Variants in RAB40C observed in about 807,000 individuals in gnomAD.
RAB40C encodes ras-related protein Rab-40C.
In RAB40C, 8 loss-of-function variants were observed where a neutral mutation model predicts 28.1. The ratio of observed to expected loss-of-function variants is 0.28; its 90% confidence interval spans 0.17 to 0.51. The LOEUF (loss-of-function observed/expected upper bound fraction) is 0.51, where lower values mean the gene tolerates loss of function less well. Ranked by LOEUF, RAB40C falls within the 20% of genes least tolerant of loss-of-function variation. The probability of loss-of-function intolerance (pLI) is 0.97; values close to 1 mark genes in which losing one functional copy is unlikely to be tolerated. For synonymous variants in RAB40C, 201 were observed against 171.7 expected (o/e 1.17, Z -1.34); for missense variants, 288 against 405.9 (o/e 0.71, Z 2.50).
At chr16:604,693 G>C (rs1038685430) in intron 1 of RAB40C, among the ~76,000 whole-genome samples, 3 of 152,250 alleles carry the variant, frequency 2.0e-5, no homozygotes, top group Non-Finnish European at 4.4e-5. Flanking sequence ...TCATATATGA[G>C]TGTACGTTTT....
chr16:594,704 C>T (rs774189137), intron 1 of RAB40C, among the ~76,000 whole-genome samples: 1 of 152,084 alleles, frequency 6.6e-6, no homozygotes, highest in Non-Finnish European at 1.5e-5. Flanking sequence ...CTTTAGGTGA[C>T]TGGACAGCCG....
At position 610,546 on chromosome 16, in the gene RAB40C, T is replaced by TTACC; in HGVS notation, c.143-6661_143-6660insACCT. On this transcript the variant is annotated intron_variant, in intron 1 of 5. Transcript: ENST00000248139. The surrounding 1 kb of genome is among the most constrained non-coding windows in gnomAD (Gnocchi z 4.6). ...GCTTAGCTTATTTTTGAAAAGACAT[T>TTACC]TCAACAGGAGGTAAAAATGAACAGC... 6.6e-6 allele frequency among the ~76,000 whole-genome samples: 1 copy of TTACC among 152,124 alleles called. No homozygotes were observed. Among genetic ancestry groups the TTACC allele is most frequent in the Non-Finnish European group, 1.5e-5 (1 of 68,020 alleles).
At chr16:604,271 C>A (rs941420909) in intron 1 of RAB40C, among the ~76,000 whole-genome samples, 2 of 152,004 alleles carry the variant, frequency 1.3e-5, no homozygotes, top group Admixed American at 6.6e-5. Context: ...TTGTAAAATA[C>A]AGAAAACACG....
intron 3 of RAB40C, chr16:624,654 T>C (rs1424578449): frequency 1.8e-5 from 18 of 985,374 alleles, no homozygotes; most frequent in Non-Finnish European, 1.2e-6. Flanking sequence ...GAAGGTTTTG[T>C]CAGCCTAGGA....
chr16:625,071 T>G (rs2036798745), intron 3 of RAB40C: 1 of 1,290,340 alleles, frequency 7.7e-7, no homozygotes, highest in Admixed American at 2.4e-5. Flanking sequence ...GATTCACTGA[T>G]GGACTGGCCG....
intron 1 of RAB40C, among the ~76,000 whole-genome samples, chr16:611,471 C>T (rs545564943): frequency 1.2e-4 from 19 of 152,356 alleles, no homozygotes; most frequent in African/African-American, 4.3e-4. Context: ...CCAAAATGAC[C>T]AAGGCCCCTC....
intron 1 of RAB40C, among the ~76,000 whole-genome samples, chr16:598,960 G>A (rs1278772097): frequency 6.6e-6 from 1 of 152,202 alleles, no homozygotes; most frequent in African/African-American, 2.4e-5. Context: ...GCCCGGGGCC[G>A]GCGGCTGCTG....
chr16:601,644 T>C (rs1346087061), intron 1 of RAB40C, among the ~76,000 whole-genome samples: 1 of 151,632 alleles, frequency 6.6e-6, no homozygotes, highest in Non-Finnish European at 1.5e-5. Flanking sequence ...TAAAATTACA[T>C]GAGAGGGAAT....
chr16:620,895 G>C (rs139415632), intron 3 of RAB40C, among the ~76,000 whole-genome samples: 29 of 152,260 alleles, frequency 1.9e-4, no homozygotes, highest in African/African-American at 5.8e-4. Flanking sequence ...GGGACACGAG[G>C]CCAGTACAGT....
At chr16:608,834 C>CAATT (rs1395007266) in intron 1 of RAB40C, among the ~76,000 whole-genome samples, 1 of 152,114 alleles carries the variant, frequency 6.6e-6, no homozygotes, top group African/African-American at 2.4e-5. Context: ...GATTGTGCTA[C>CAATT]AATTGTGTGG....
chr16:607,523 GC>G (rs2036386267), intron 1 of RAB40C, among the ~76,000 whole-genome samples: 3 of 151,026 alleles, frequency 2.0e-5, no homozygotes, highest in Middle Eastern at 3.5e-3. Flanking sequence ...AAAACGGGGG[GC>G]CGGGCGCGGT....
At chr16:613,903 G>A (rs1371329510) in intron 1 of RAB40C, among the ~76,000 whole-genome samples, 1 of 152,170 alleles carries the variant, frequency 6.6e-6, no homozygotes, top group East Asian at 1.9e-4. Context: ...CTGGCTTGCT[G>A]TGAAGGGCAC....
At chr16:604,002 TC>T (rs1478332530) in intron 1 of RAB40C, among the ~76,000 whole-genome samples, 1 of 152,322 alleles carries the variant, frequency 6.6e-6, no homozygotes, top group African/African-American at 2.4e-5. Context: ...TTGGGTTATT[TC>T]CTGGTTTGGG....
rs2036900357 is a variant in RAB40C, at chr16:628,956, G to C, written c.*1334G>C. 6.5e-6 allele frequency: 1 copy of C among 153,580 alleles called. No individual in the cohort carries two copies. The highest frequency in any genetic ancestry group is 1.5e-5 in the Non-Finnish European group (1 of 68,888). The allele number at this position is 153,580 out of a possible 1,614,324, so 9.5% of individuals were successfully genotyped here. ...TGGGCACCAGTGGACTCGCCCCATGGCCCGTTCCTGGGAGATGAGGGCCGT... is the reference window on the plus strand; with the variant it reads ...TGGGCACCAGTGGACTCGCCCCATGCCCCGTTCCTGGGAGATGAGGGCCGT... On this transcript the variant is annotated 3_prime_UTR_variant, in exon 6 of 6. Coordinates refer to ENST00000248139, the MANE Select transcript of RAB40C (RefSeq NM_021168.5).
At chr16:593,964 A>G (rs530905279) in intron 1 of RAB40C, among the ~76,000 whole-genome samples, 10 of 152,218 alleles carry the variant, frequency 6.6e-5, no homozygotes, top group African/African-American at 2.4e-4. Flanking sequence ...GGGAGGAGAA[A>G]GCTGCAGTTC....
At chr16:623,372 G>A (rs559975745) in intron 3 of RAB40C, among the ~76,000 whole-genome samples, 15 of 152,276 alleles carry the variant, frequency 9.9e-5, no homozygotes, top group African/African-American at 3.1e-4. Flanking sequence ...ATGCTGGGCC[G>A]GGCGCGGTGG....
rs576040048 is a variant in RAB40C, at chr16:624,180, G to A, written c.265-1252G>A. The A allele has an allele frequency of 2.1e-5, 21 of 985,442 alleles. No homozygotes were observed. The South Asian group carries it at 7.0e-4, about 33-fold the overall frequency. The allele number at this position is 985,442 out of a possible 1,614,324, so 61.0% of individuals were successfully genotyped here. ...ATCCTCAGTTACTTCTGAGTTGTGGGCTTGCCATGCGGGAGGTTGCCATGC... is the reference window on the plus strand; with the variant it reads ...ATCCTCAGTTACTTCTGAGTTGTGGACTTGCCATGCGGGAGGTTGCCATGC... On this transcript the variant is annotated intron_variant, in intron 3 of 5. Coordinates refer to ENST00000248139, the MANE Select transcript of RAB40C (RefSeq NM_021168.5).
chr16:618,105 C>T, intron 2 of RAB40C, 95 bp from the exon 3 acceptor site: 1 of 1,238,412 alleles, frequency 8.1e-7, no homozygotes, highest in South Asian at 1.3e-5. Flanking sequence ...GCCCCGCTCC[C>T]CTCAGGACAT....
At chr16:589,986 TGACG>T (rs1362916090), upstream of RAB40C, 1 of 85,796 alleles carries the variant, frequency 1.2e-5, no homozygotes, top group Non-Finnish European at 2.2e-5. Flanking sequence ...GGGGAAGTCG[TGACG>T]GACGGGCGGG....
Sources: gnomAD v4.1 joint callset for allele counts (sites outside exome capture counted in the v4.1 genomes callset) on GRCh38, gnomAD v4.1.1 for gene constraint, Gnocchi (gnomAD v3.1) non-coding constraint, MANE v1.5 for transcripts, NCBI Gene and HGNC (gene_info 2026-07-23, HGNC 2026-07-21) for gene names.